Variants in MTSS1 observed in about 807,000 individuals in gnomAD.
MTSS1 encodes MTSS I-BAR domain containing 1, also known as protein MTSS 1.
Under a neutral mutation model 79.0 loss-of-function variants are expected in MTSS1, and 18 were observed. That is an observed-to-expected ratio of 0.23 (90% CI 0.16 to 0.34). The LOEUF (loss-of-function observed/expected upper bound fraction) is 0.34. Ranked by LOEUF, MTSS1 falls within the 10% of genes least tolerant of loss-of-function variation. MTSS1 has a pLI of 1.00. For missense variants in MTSS1, 815 were observed against 986.2 expected, an observed-to-expected ratio of 0.83 and a Z score of 2.33; for synonymous variants, 341 against 368.6, an observed-to-expected ratio of 0.93 and a Z score of 0.86.
intron 3 of MTSS1, among the ~76,000 whole-genome samples, chr8:124,623,337 A>G (rs1813987523): frequency 6.6e-6 from 1 of 152,258 alleles, no homozygotes; most frequent in Non-Finnish European, 1.5e-5. Flanking sequence ...TAAGGTATTG[A>G]TCAACCACCT....
intron 6 of MTSS1, among the ~76,000 whole-genome samples, chr8:124,581,586 G>T (rs1200796607): frequency 1.3e-5 from 2 of 151,904 alleles, no homozygotes; most frequent in African/African-American, 4.8e-5. Flanking sequence ...CTCCCGAGTA[G>T]CTGGGACTAC....
intron 3 of MTSS1, among the ~76,000 whole-genome samples, chr8:124,603,419 T>C (rs951495159): frequency 1.3e-5 from 2 of 152,248 alleles, no homozygotes; most frequent in Non-Finnish European, 2.9e-5. Flanking sequence ...GGGAAACTCA[T>C]CCTTGTTCTT....
intron 1 of MTSS1, among the ~76,000 whole-genome samples, chr8:124,723,324 C>T (rs985642218): frequency 2.0e-5 from 3 of 152,170 alleles, no homozygotes; most frequent in African/African-American, 7.2e-5. Flanking sequence ...CTAGTAAGAA[C>T]TGGGCAATGG....
intron 3 of MTSS1, among the ~76,000 whole-genome samples, chr8:124,614,475 T>C (rs913136345): frequency 6.6e-6 from 1 of 152,238 alleles, no homozygotes; most frequent in African/African-American, 2.4e-5. Flanking sequence ...ATCATGGGCA[T>C]GGAAAAACCA....
At chr8:124,634,538 A>C (rs1816645567) in intron 3 of MTSS1, among the ~76,000 whole-genome samples, 1 of 152,044 alleles carries the variant, frequency 6.6e-6, no homozygotes. Flanking sequence ...CATACTCCAT[A>C]AATATTTGTA....
intron 1 of MTSS1, among the ~76,000 whole-genome samples, chr8:124,709,011 A>T (rs1246249171): frequency 6.6e-6 from 1 of 152,152 alleles, no homozygotes; most frequent in Non-Finnish European, 1.5e-5. Flanking sequence ...TATTTTTGTA[A>T]GTTTCTTTCA....
In MTSS1 at chr8:124,578,021, A is replaced by G. The variant is rs2132350631; in HGVS notation, c.460+7066T>C. On this transcript the variant is annotated intron_variant, in intron 6 of 13. Transcript: ENST00000518547. ...GGGGGATGAGCAAACCACTGTGCCTAGAGGAAAGGATTCACATTTCACAGG... is the reference window on the plus strand; with the variant it reads ...GGGGGATGAGCAAACCACTGTGCCTGGAGGAAAGGATTCACATTTCACAGG... Among the ~76,000 whole-genome samples the G allele has an allele frequency of 2.0e-5, 3 of 152,330 alleles. 1 individual carries two copies. The South Asian group carries it at 6.2e-4, about 32-fold the overall frequency.
In MTSS1 at chr8:124,683,695, C is replaced by T. The variant is rs1251658551; in HGVS notation, c.208+15831G>A. Among the ~76,000 whole-genome samples, 1 of 152,208 alleles carries T rather than the reference C, an allele frequency of 6.6e-6. No homozygotes were observed. The highest frequency in any genetic ancestry group is 1.5e-5 in the Non-Finnish European group (1 of 68,044). On this transcript the variant is annotated intron_variant, in intron 3 of 13. Coordinates refer to ENST00000518547, the MANE Select transcript of MTSS1 (RefSeq NM_014751.6). This position sits in a 1 kb window ranked among gnomAD's most constrained non-coding sequence, Gnocchi z 4.5. ...CAGGGCGGGTGGAAACATCAGAAACCATCTTACTGACATGGTCAACCAATG... is the reference window on the plus strand; with the variant it reads ...CAGGGCGGGTGGAAACATCAGAAACTATCTTACTGACATGGTCAACCAATG...
chr8:124,564,489 C>T (rs1425374921), intron 9 of MTSS1, among the ~76,000 whole-genome samples: 1 of 152,102 alleles, frequency 6.6e-6, no homozygotes, highest in Non-Finnish European at 1.5e-5. Flanking sequence ...CTTTCCCCTC[C>T]AGTCAGCCAG....
rs556168722 is a variant in MTSS1 at position 124,617,073 on chromosome 8, A to G, written c.209-25838T>C. 1.5e-3 allele frequency among the ~76,000 whole-genome samples: 197 copies of G among 132,662 alleles called. 2 individuals are homozygous for G. The highest frequency in any genetic ancestry group is 2.2e-3 in the Non-Finnish European group (139 of 63,912). 87.0% of individuals were successfully genotyped at this position (132,662 alleles called of 152,430 possible). On this transcript the variant is annotated intron_variant, in intron 3 of 13. Coordinates refer to ENST00000518547, the MANE Select transcript of MTSS1 (RefSeq NM_014751.6). ...CCATAAGTGGTAAACCAACAGATGG[A>G]AATGCTGTCTGGTCAGAGAACGAGG...
chr8:124,585,022 C>A, intron 6 of MTSS1, 65 bp downstream of exon 6: 6 of 1,406,260 alleles, frequency 4.3e-6, no homozygotes, highest in South Asian at 1.2e-5. Flanking sequence ...GAACACCTTT[C>A]ACTTCAAAAA....
chr8:124,690,328 TA>T (rs916132938), intron 3 of MTSS1, among the ~76,000 whole-genome samples: 4 of 152,158 alleles, frequency 2.6e-5, no homozygotes, highest in African/African-American at 9.7e-5. Context: ...TTCTCTCTGT[TA>T]GGGGTAAGAC....
At chr8:124,725,926 ATGT>A (rs912160624) in intron 1 of MTSS1, among the ~76,000 whole-genome samples, 1 of 152,126 alleles carries the variant, frequency 6.6e-6, no homozygotes, top group African/African-American at 2.4e-5. Flanking sequence ...AACCCAAGGC[ATGT>A]TTTAGTCTTC....
intron 3 of MTSS1, among the ~76,000 whole-genome samples, chr8:124,677,941 T>G (rs1032774674): frequency 7.9e-5 from 12 of 152,216 alleles, no homozygotes; most frequent in Admixed American, 6.5e-4. Flanking sequence ...ACTCCTATTT[T>G]CTGAATCAAA....
At chr8:124,698,368 TACA>T (rs1829185559) in intron 3 of MTSS1, among the ~76,000 whole-genome samples, 1 of 151,982 alleles carries the variant, frequency 6.6e-6, no homozygotes, top group African/African-American at 2.4e-5. Flanking sequence ...TAGCTGCCAG[TACA>T]ACAAGAAGAC....
intron 3 of MTSS1, among the ~76,000 whole-genome samples, chr8:124,648,722 T>C (rs1819432813): frequency 7.4e-6 from 1 of 135,810 alleles, no homozygotes; most frequent in Non-Finnish European, 1.5e-5. Context: ...CCCCCCCAGA[T>C]ACTGACCAGA....
chr8:124,597,262 G>A lies in MTSS1; in HGVS notation c.209-6027C>T, dbSNP rs1399373843. Among the ~76,000 whole-genome samples, 1 of 152,098 alleles carries A rather than the reference G, an allele frequency of 6.6e-6. No individual in the cohort carries two copies. Among genetic ancestry groups the A allele is most frequent in the East Asian group, 1.9e-4 (1 of 5,170 alleles). ...AATGAAAACACCTGAGGCTCAGGAG[G>A]GTTAACAACCTTGCTGAGGGCCACA... On this transcript the variant is annotated intron_variant, in intron 3 of 13. Transcript: ENST00000518547. This position sits in a 1 kb window ranked among gnomAD's most constrained non-coding sequence, Gnocchi z 4.6.
At chr8:124,679,867 G>A (rs1329423879) in intron 3 of MTSS1, among the ~76,000 whole-genome samples, 1 of 152,186 alleles carries the variant, frequency 6.6e-6, no homozygotes, top group Non-Finnish European at 1.5e-5. Context: ...ACGATGCATT[G>A]TATAGGCTTT....
At chr8:124,692,919 G>T (rs1368885926) in intron 3 of MTSS1, among the ~76,000 whole-genome samples, 1 of 152,116 alleles carries the variant, frequency 6.6e-6, no homozygotes, top group South Asian at 2.1e-4. Context: ...GGAAGGAGCA[G>T]GTCCTGTTAG....
Sources: gnomAD v4.1 joint callset for allele counts (sites outside exome capture counted in the v4.1 genomes callset) on GRCh38, gnomAD v4.1.1 for gene constraint, Gnocchi (gnomAD v3.1) non-coding constraint, MANE v1.5 for transcripts, NCBI Gene and HGNC (gene_info 2026-07-23, HGNC 2026-07-21) for gene names.